The following BRINP1 variants were observed in gnomAD, a reference collection of about 807,000 sequenced individuals.
BRINP1 encodes the protein BMP/retinoic acid-inducible neural-specific protein 1.
Under a neutral mutation model 72.9 loss-of-function variants are expected in BRINP1, and 17 were observed. The observed-to-expected ratio is 0.23, with a 90% CI of 0.16 to 0.35. The LOEUF (loss-of-function observed/expected upper bound fraction) is 0.35. Among genes scored for constraint, BRINP1 ranks in the 10% least tolerant of loss-of-function variants. The pLI, the probability that BRINP1 is intolerant of heterozygous loss-of-function variation, is 1.00. For missense variants in BRINP1, 850 were observed against 1,001.6 expected (o/e 0.85, Z 2.04); for synonymous variants, 418 against 378.5 (o/e 1.10, Z -1.21).
chr9:119,327,848 G>C (rs1172166433), intron 1 of BRINP1, among the ~76,000 whole-genome samples: 4 of 152,010 alleles, frequency 2.6e-5, no homozygotes, highest in Non-Finnish European at 5.9e-5. Flanking sequence ...TGGATCTGTT[G>C]CATTTGAGGT....
intron 2 of BRINP1, among the ~76,000 whole-genome samples, chr9:119,284,614 C>T (rs1830742074): frequency 6.6e-6 from 1 of 152,158 alleles, no homozygotes; most frequent in Non-Finnish European, 1.5e-5. Flanking sequence ...CAGATCTCAA[C>T]CACTTGTCCC....
chr9:119,221,528 A>C (rs995328343), intron 5 of BRINP1, among the ~76,000 whole-genome samples: 2 of 152,146 alleles, frequency 1.3e-5, no homozygotes, highest in Non-Finnish European at 2.9e-5. Context: ...AGAAAGGGCG[A>C]AAAGGCTATG....
chr9:119,364,117 A>G (rs1052800561), intron 1 of BRINP1, among the ~76,000 whole-genome samples: 1 of 151,638 alleles, frequency 6.6e-6, no homozygotes, highest in Non-Finnish European at 1.5e-5. Context: ...GAGGCCTCCA[A>G]GCAGATGCTA....
At chr9:119,202,291 G>A (rs1829812731) in intron 7 of BRINP1, among the ~76,000 whole-genome samples, 1 of 152,148 alleles carries the variant, frequency 6.6e-6, no homozygotes, top group Non-Finnish European at 1.5e-5. Flanking sequence ...CTTTAGAAGT[G>A]TTAACTATTA....
chr9:119,300,256 G>A (rs945962860), intron 2 of BRINP1, among the ~76,000 whole-genome samples: 6 of 152,108 alleles, frequency 3.9e-5, no homozygotes, highest in African/African-American at 1.4e-4. Context: ...CTGTTCTGAT[G>A]GCTAATGGGT....
chr9:119,236,360 T>C (rs569474394), intron 5 of BRINP1, among the ~76,000 whole-genome samples: 64 of 152,268 alleles, frequency 4.2e-4, no homozygotes, highest in African/African-American at 1.5e-3. Context: ...ATAAGTCTTA[T>C]ACACTAGCTG....
chr9:119,349,683 AT>A (rs1831486328), intron 1 of BRINP1, among the ~76,000 whole-genome samples: 1 of 152,110 alleles, frequency 6.6e-6, no homozygotes, highest in Non-Finnish European at 1.5e-5. Context: ...TGAATGTGGA[AT>A]GTTTTTGTGC....
chr9:119,299,521 G>T (rs1285408039), intron 2 of BRINP1, among the ~76,000 whole-genome samples: 1 of 151,628 alleles, frequency 6.6e-6, no homozygotes, highest in Non-Finnish European at 1.5e-5. Context: ...GCTGAGGCAG[G>T]AGAATCACTT....
chr9:119,319,934 T>C (rs1375752319), intron 1 of BRINP1, among the ~76,000 whole-genome samples: 1 of 152,182 alleles, frequency 6.6e-6, no homozygotes, highest in African/African-American at 2.4e-5. Flanking sequence ...CACACCCAAG[T>C]GTGAACAATT....
Position 119,357,337 on chromosome 9 carries a change from G to T in BRINP1, c.-51+11719C>A, listed in dbSNP as rs571626044. ...TGCAACATCTGGCTGTCACAATTTG[G>T]GCTAACTCAACCCTGCTATTTGCTG... On this transcript the variant is annotated intron_variant, in intron 1 of 7. Coordinates refer to ENST00000265922, the MANE Select transcript of BRINP1 (RefSeq NM_014618.3). Among the ~76,000 whole-genome samples the T allele has an allele frequency of 3.7e-4, 56 of 152,286 alleles. No individual in the cohort carries two copies. The South Asian group carries it at 0.012, about 32-fold the overall frequency.
chr9:119,193,380 A>G (rs975433038), intron 7 of BRINP1, among the ~76,000 whole-genome samples: 2 of 152,200 alleles, frequency 1.3e-5, no homozygotes, highest in African/African-American at 4.8e-5. Flanking sequence ...AAAGAGCTCA[A>G]ATACACAGAG....
Position 119,167,404 on chromosome 9 carries a change from G to C in BRINP1, c.1966C>G (p.Gln656Glu). Residue 656 changes from glutamine (Q) to glutamate (E), a missense_variant, in exon 8 of 8, where the codon CAG becomes GAG. Gln to Glu is a conservative substitution (Grantham distance 29). Coordinates refer to ENST00000265922, the MANE Select transcript of BRINP1 (RefSeq NM_014618.3). The surrounding 1 kb of genome is among the most constrained non-coding windows in gnomAD (Gnocchi z 4.3). ...RQFYIKISDV[Q>E]VFGYSLRFNA... ...AACCTCAGGCTATACCCAAACACCT[G>C]CACGTCTGAGATCTTGATGTAGAAC... is the stretch of plus-strand genomic sequence containing the variant. The C allele has an allele frequency of 6.2e-7, 1 of 1,614,092 alleles. No individual in the cohort carries two copies. Among genetic ancestry groups the C allele is most frequent in the Non-Finnish European group, 8.5e-7 (1 of 1,179,988 alleles).
chr9:119,204,097 T>C (rs1814798305), intron 7 of BRINP1, among the ~76,000 whole-genome samples: 1 of 152,164 alleles, frequency 6.6e-6, no homozygotes. Flanking sequence ...AGAGGTCCTG[T>C]GTGGGCACTC....
intron 7 of BRINP1, among the ~76,000 whole-genome samples, chr9:119,175,238 A>T (rs989511936): frequency 6.6e-6 from 1 of 152,110 alleles, no homozygotes; most frequent in Non-Finnish European, 1.5e-5. Flanking sequence ...TAAGCTGGAA[A>T]CCATCACACT....
chr9:119,360,152 C>T (rs1831614649), intron 1 of BRINP1, among the ~76,000 whole-genome samples: 1 of 152,236 alleles, frequency 6.6e-6, no homozygotes, highest in Non-Finnish European at 1.5e-5. Flanking sequence ...CTAGCCTCGG[C>T]TAACTCTGGC....
At position 119,282,410 on chromosome 9, in the gene BRINP1, C is replaced by T. The variant is rs115438552; in HGVS notation, c.218+30728G>A. Among the ~76,000 whole-genome samples the T allele has an allele frequency of 3.3e-3, 495 of 152,226 alleles. 2 individuals are homozygous for T. Among genetic ancestry groups the T allele is most frequent in the Middle Eastern group, 0.01 (3 of 294 alleles). On this transcript the variant is annotated intron_variant, in intron 2 of 7. Transcript: ENST00000265922. ...GTAAGGCTTTCTGGACCTTGGATTC[C>T]CATCTGGAAAACAAGGAAGTTGGCA...
chr9:119,288,686 C>T (rs749227947), intron 2 of BRINP1, among the ~76,000 whole-genome samples: 3 of 152,174 alleles, frequency 2.0e-5, no homozygotes, highest in Non-Finnish European at 2.9e-5. Flanking sequence ...TAGGATATAG[C>T]AGAGTGAATG....
At chr9:119,357,257 G>A (rs765448489) in intron 1 of BRINP1, among the ~76,000 whole-genome samples, 3 of 150,888 alleles carry the variant, frequency 2.0e-5, no homozygotes, top group Non-Finnish European at 3.0e-5. Context: ...GCACGTGCAT[G>A]TGTGTGTGTG....
intron 1 of BRINP1, among the ~76,000 whole-genome samples, chr9:119,339,005 G>C (rs1164862597): frequency 6.6e-6 from 1 of 152,142 alleles, no homozygotes; most frequent in Non-Finnish European, 1.5e-5. Flanking sequence ...GATGAAATAA[G>C]AGAAGGAAAA....
Sources: allele counts gnomAD v4.1 joint callset (sites outside exome capture counted in the v4.1 genomes callset), GRCh38; gene constraint gnomAD v4.1.1; non-coding constraint Gnocchi (gnomAD v3.1); transcripts MANE v1.5; gene names NCBI Gene and HGNC (gene_info 2026-07-23, HGNC 2026-07-21).